TOPAZ1: variants seen among roughly 807,000 people sequenced by gnomAD.
The protein encoded by TOPAZ1 is testis and ovary specific TOPAZ 1, also known as protein TOPAZ1.
In TOPAZ1, 66 loss-of-function variants were observed where a neutral mutation model predicts 172.2. The ratio of observed to expected loss-of-function variants is 0.38; its 90% CI spans 0.31 to 0.47. The LOEUF (loss-of-function observed/expected upper bound fraction) is 0.47, where lower values mean the gene tolerates loss of function less well. Ranked by LOEUF, TOPAZ1 falls within the 20% of genes least tolerant of loss-of-function variation. The probability of loss-of-function intolerance (pLI) is 0.99; values close to 1 mark genes in which losing one functional copy is unlikely to be tolerated. For synonymous variants in TOPAZ1, 681 were observed against 683.9 expected (o/e 1.00, Z 0.07); for missense variants, 1,822 against 1,972.4 (o/e 0.92, Z 1.44).
intron 5 of TOPAZ1, among the ~76,000 whole-genome samples, chr3:44,265,790 A>G (rs1054543902): frequency 1.3e-5 from 2 of 152,194 alleles, no homozygotes; most frequent in African/African-American, 4.8e-5. Context: ...GATTTAGCAT[A>G]ATTCTTAAGG....
At chr3:44,322,607 A>C (rs753956537) in intron 17 of TOPAZ1, among the ~76,000 whole-genome samples, 6 of 152,216 alleles carry the variant, frequency 3.9e-5, no homozygotes, top group Non-Finnish European at 7.3e-5. Flanking sequence ...TCATGCCTGT[A>C]ATCCCAGCAC....
At position 44,327,969 on chromosome 3, in the gene TOPAZ1, A is replaced by G. The variant is rs1054626392; in HGVS notation, c.4676-281A>G. ...ATGTTGGCCAGGCTGGTCTCAAACTACTGACCTCAAGAGATCCACCCGCCT... is the reference window on the plus strand; with the variant it reads ...ATGTTGGCCAGGCTGGTCTCAAACTGCTGACCTCAAGAGATCCACCCGCCT... On this transcript the variant is annotated intron_variant, in intron 18 of 19. Coordinates refer to ENST00000309765, the MANE Select transcript of TOPAZ1 (RefSeq NM_001145030.2). Among the ~76,000 whole-genome samples, 6 of 152,022 alleles carry G rather than the reference A, an allele frequency of 3.9e-5. No homozygotes were observed. In the Middle Eastern group the frequency reaches 0.014, roughly 345 times the overall value.
intron 12 of TOPAZ1, among the ~76,000 whole-genome samples, chr3:44,298,910 T>TATATATATATATATA (rs1491140048): frequency 5.6e-4 from 9 of 16,214 alleles, no homozygotes; most frequent in Non-Finnish European, 7.2e-4. Context: ...TATATATATA[T>TATATATATATATATA]TTTTTTTTTT....
intron 8 of TOPAZ1, among the ~76,000 whole-genome samples, chr3:44,274,888 T>C (rs927132493): frequency 6.6e-6 from 1 of 151,952 alleles, no homozygotes; most frequent in African/African-American, 2.4e-5. Context: ...AGTTCTTATT[T>C]TGTACCTCCA....
intron 12 of TOPAZ1, among the ~76,000 whole-genome samples, chr3:44,296,943 G>T (rs1212838083): frequency 2.6e-5 from 4 of 151,390 alleles, no homozygotes; most frequent in African/African-American, 9.7e-5. Context: ...AGGCCGAGGT[G>T]GGTGGATCAC....
At chr3:44,304,334 A>G (rs551301684) in intron 13 of TOPAZ1, among the ~76,000 whole-genome samples, 408 of 152,346 alleles carry the variant, frequency 2.7e-3, no homozygotes, top group Non-Finnish European at 4.1e-3. Flanking sequence ...ATTATATTAA[A>G]GTAAAATAAC....
chr3:44,314,653 C>T (rs1700431789), intron 16 of TOPAZ1, among the ~76,000 whole-genome samples: 1 of 151,786 alleles, frequency 6.6e-6, no homozygotes, highest in Non-Finnish European at 1.5e-5. Context: ...AGATCCAAAC[C>T]TAAGATAGTC....
rs1348767646 is a variant in TOPAZ1 at position 44,245,267 on chromosome 3, T to C, written c.2761T>C (p.Leu921=). The C allele has an allele frequency of 6.5e-7, 1 of 1,532,634 alleles. No homozygotes were observed. Among genetic ancestry groups the C allele is most frequent in the Non-Finnish European group, 8.8e-7 (1 of 1,140,178 alleles). 94.9% of individuals were successfully genotyped at this position (1,532,634 alleles called of 1,614,324 possible). ...AGTAAAAAAAGAACCAAGTGATGAC[T>C]TAAGGTATGCATGTTCAAGTATTCC... is the stretch of plus-strand genomic sequence containing the variant. ...TPVKKEPSDD[L]RELPVLDCGW... Residue 921 remains leucine, a synonymous_variant, in exon 2 of 20, where the codon TTA becomes CTA. Transcript: ENST00000309765.
chr3:44,314,063 G>A (rs138202945), intron 16 of TOPAZ1, among the ~76,000 whole-genome samples: 25 of 151,676 alleles, frequency 1.6e-4, no homozygotes, highest in East Asian at 5.8e-4. Context: ...TTTTTGAGAC[G>A]GAGTCTCACT....
chr3:44,281,336 G>A (rs923089257), intron 8 of TOPAZ1, among the ~76,000 whole-genome samples: 1 of 152,164 alleles, frequency 6.6e-6, no homozygotes, highest in African/African-American at 2.4e-5. Flanking sequence ...CCACTGCAAT[G>A]CTATGGTAGT....
chr3:44,255,965 A>G (rs1241108679), intron 3 of TOPAZ1, among the ~76,000 whole-genome samples, 186 bp from the exon 4 acceptor site: 3 of 151,808 alleles, frequency 2.0e-5, no homozygotes, highest in Non-Finnish European at 2.9e-5. Context: ...TTCTTTTTAT[A>G]TAATATAATG....
chr3:44,246,365 CAAAG>C (rs1350371667), intron 2 of TOPAZ1, among the ~76,000 whole-genome samples: 2 of 152,054 alleles, frequency 1.3e-5, no homozygotes, highest in African/African-American at 4.8e-5. Flanking sequence ...TGAATAGACT[CAAAG>C]AAAAATGAAA....
At chr3:44,271,537 T>A (rs1198123514) in intron 8 of TOPAZ1, among the ~76,000 whole-genome samples, 1 of 152,184 alleles carries the variant, frequency 6.6e-6, no homozygotes, top group Admixed American at 6.5e-5. Context: ...GTTGTATGTG[T>A]GTATGTATAT....
chr3:44,292,652 T>C (rs1040844835), intron 12 of TOPAZ1, among the ~76,000 whole-genome samples: 3 of 152,186 alleles, frequency 2.0e-5, no homozygotes, highest in Admixed American at 6.5e-5. Context: ...AGCTTTTCAC[T>C]TTTTTTATTG....
At position 44,244,559 on chromosome 3, in the gene TOPAZ1, A is replaced by G. The variant is rs1276848838; in HGVS notation, c.2053A>G (p.Thr685Ala). ...TAAAATATTGAACACAGGACGGCTGACTAATTTTAAAATTCCTTTACTTAA... is the reference window on the plus strand; with the variant it reads ...TAAAATATTGAACACAGGACGGCTGGCTAATTTTAAAATTCCTTTACTTAA... ...LVKILNTGRL[T>A]NFKIPLLKNK... is the part of the protein sequence containing the mutation. The change falls in exon 2 of 20, where the codon ACT becomes GCT. Residue 685 changes from threonine to alanine, a missense_variant. Thr to Ala is a moderately conservative substitution (Grantham distance 58). Transcript: ENST00000309765. 6.5e-7 allele frequency: 1 copy of G among 1,549,476 alleles called. No individual in the cohort carries two copies. Among genetic ancestry groups the G allele is most frequent in the Admixed American group, 2.0e-5 (1 of 50,566 alleles).
At chr3:44,301,389 GA>G (rs1401223103) in intron 12 of TOPAZ1, among the ~76,000 whole-genome samples, 1 of 152,086 alleles carries the variant, frequency 6.6e-6, no homozygotes, top group East Asian at 1.9e-4. Flanking sequence ...AAATTGTGAA[GA>G]TAAGTATATA....
At chr3:44,268,427 G>A (rs1699856474) in intron 6 of TOPAZ1, among the ~76,000 whole-genome samples, 1 of 139,396 alleles carries the variant, frequency 7.2e-6, no homozygotes, top group Non-Finnish European at 1.5e-5. Flanking sequence ...AGGCTGGAGT[G>A]CAGTGATGTG....
chr3:44,313,548 C>T (rs1332663032), intron 16 of TOPAZ1, among the ~76,000 whole-genome samples: 6 of 146,840 alleles, frequency 4.1e-5, no homozygotes, highest in African/African-American at 1.0e-4. Context: ...ACCCGGGAGG[C>T]GGAGCTTGCA....
At chr3:44,286,508 C>T (rs1004013780) in intron 9 of TOPAZ1, among the ~76,000 whole-genome samples, 1 of 152,010 alleles carries the variant, frequency 6.6e-6, no homozygotes, top group African/African-American at 2.4e-5. Flanking sequence ...ATTGTTATAC[C>T]ATATTATTAA....
Sources: allele counts gnomAD v4.1 joint callset (sites outside exome capture counted in the v4.1 genomes callset), GRCh38; gene constraint gnomAD v4.1.1; transcripts MANE v1.5; gene names NCBI Gene and HGNC (gene_info 2026-07-23, HGNC 2026-07-21).